NUP93: variants seen among roughly 807,000 people sequenced by gnomAD.
NUP93 encodes nuclear pore complex protein Nup93.
Under a neutral mutation model 107.8 loss-of-function variants are expected in NUP93, and 55 were observed. The ratio of observed to expected loss-of-function variants is 0.51; its 90% CI spans 0.41 to 0.64. The LOEUF (loss-of-function observed/expected upper bound fraction) is 0.64. Among genes scored for constraint, NUP93 ranks in the 30% least tolerant of loss-of-function variants. The probability of loss-of-function intolerance (pLI) is 0.00; values close to 1 mark genes in which losing one functional copy is unlikely to be tolerated. For missense variants in NUP93, 937 were observed against 1,044.7 expected (o/e 0.90, Z 1.42); for synonymous variants, 390 against 397.5 (o/e 0.98, Z 0.22).
At chr16:56,842,697 T>A (rs533234168) in intron 21 of NUP93, 20 of 428,932 alleles carry the variant, frequency 4.7e-5, no homozygotes, top group African/African-American at 3.9e-4. Flanking sequence ...GGACTACAGG[T>A]ACGCACCACC....
intron 20 of NUP93, chr16:56,839,930 G>A (rs1751159175): frequency 3.4e-6 from 1 of 291,392 alleles, no homozygotes. Context: ...GTATTTTAGT[G>A]CTTAACTCTG....
At position 56,834,353 on chromosome 16, in the gene NUP93, G is replaced by T. The variant is rs1963866518; in HGVS notation, c.1665-17G>T. 1 of 1,613,984 alleles carries T rather than the reference G, an allele frequency of 6.2e-7. No individual in the cohort carries two copies. Among genetic ancestry groups the T allele is most frequent in the African/African-American group, 1.3e-5 (1 of 74,918 alleles). On this transcript the variant is annotated splice_polypyrimidine_tract_variant and intron_variant, in intron 14 of 21. Transcript: ENST00000308159. ...TCATGTCCAGACTGGAAACTGAGTT[G>T]TTTATTTCCCTTACAGGGATGAGAA... is the stretch of plus-strand genomic sequence containing the variant.
At chr16:56,765,139 C>G (rs1448067608) in intron 3 of NUP93, among the ~76,000 whole-genome samples, 2 of 152,124 alleles carry the variant, frequency 1.3e-5, no homozygotes, top group African/African-American at 2.4e-5. Context: ...TGATCTAGCC[C>G]AAATTGGATG....
rs1188027635 is a variant in NUP93 at position 56,827,044 on chromosome 16, C to CAAAAAAAAAAAAAAAAAAAAA, written c.795-1928_795-1908dup. On this transcript the variant is annotated intron_variant, in intron 8 of 21. Coordinates refer to ENST00000308159, the MANE Select transcript of NUP93 (RefSeq NM_014669.5). ...CTGGGGATGGAATGAGACTCCGTCT[C>CAAAAAAAAAAAAAAAAAAAAA]AAAAAAAAAAAAAAAAAAAAAAAAA... 2.2e-4 allele frequency among the ~76,000 whole-genome samples: 12 copies of CAAAAAAAAAAAAAAAAAAAAA among 53,612 alleles called. 1 individual carries two copies. The highest frequency in any genetic ancestry group is 8.9e-4 in the Admixed American group (4 of 4,488). 35.2% of individuals were successfully genotyped at this position (53,612 alleles called of 152,430 possible).
rs1431582351 is a variant in NUP93 at position 56,847,917 on chromosome 16, G to C, written c.*3308G>C. 1 of 152,182 alleles carries C rather than the reference G, an allele frequency of 6.6e-6. No homozygotes were observed. Among genetic ancestry groups the C allele is most frequent in the Non-Finnish European group, 1.5e-5 (1 of 68,030 alleles). The allele number at this position is 152,182 out of a possible 1,614,324, so 9.4% of individuals were successfully genotyped here. On this transcript the variant is annotated 3_prime_UTR_variant, in exon 22 of 22. Coordinates refer to ENST00000308159, the MANE Select transcript of NUP93 (RefSeq NM_014669.5). ...AAATCCTAGAACAGGCAGCTTTAAA[G>C]CAAAGAACTACAGACTTTTCCGCAG...
At chr16:56,841,965 G>A (rs1368051826) in intron 21 of NUP93, 132 bp downstream of exon 21, 35 of 1,046,446 alleles carry the variant, frequency 3.3e-5, no homozygotes, top group East Asian at 8.0e-5. Context: ...GATAAATCTC[G>A]TGTTAGGAGG....
intron 5 of NUP93, 112 bp downstream of exon 5, chr16:56,805,744 C>CGTTT: frequency 8.6e-7 from 1 of 1,157,894 alleles, no homozygotes; most frequent in Non-Finnish European, 1.2e-6. Flanking sequence ...CCCCTTGAAA[C>CGTTT]ACTTTCTTCA....
chr16:56,742,299 T>G (rs1166394319), intron 1 of NUP93, among the ~76,000 whole-genome samples: 2 of 152,236 alleles, frequency 1.3e-5, no homozygotes, highest in African/African-American at 4.8e-5. Context: ...GGTAGCTTAC[T>G]TATCAAGTCT....
At chr16:56,744,084 T>A (rs1450378697) in intron 1 of NUP93, among the ~76,000 whole-genome samples, 1 of 152,188 alleles carries the variant, frequency 6.6e-6, no homozygotes, top group African/African-American at 2.4e-5. Flanking sequence ...CTGCATTGAC[T>A]GCTCCGGGTC....
In NUP93 at chr16:56,756,300, C is replaced by G. The variant is rs529037933; in HGVS notation, c.180-2238C>G. 3.4e-3 allele frequency among the ~76,000 whole-genome samples: 247 copies of G among 72,096 alleles called. 6 individuals are homozygous for G. The highest frequency in any genetic ancestry group is 6.6e-3 in the Non-Finnish European group (209 of 31,530). The allele number at this position is 72,096 out of a possible 152,430, so 47.3% of individuals were successfully genotyped here. On this transcript the variant is annotated intron_variant, in intron 2 of 21. Transcript: ENST00000308159. ...CTAATGCTCTCTCTCTCCTTGCCCCCCCCCCCCCCGACAGGCTCCTATGTG... is the reference window on the plus strand; with the variant it reads ...CTAATGCTCTCTCTCTCCTTGCCCCGCCCCCCCCCGACAGGCTCCTATGTG...
intron 4 of NUP93, among the ~76,000 whole-genome samples, chr16:56,803,952 A>G (rs1312449703): frequency 1.3e-5 from 2 of 152,014 alleles, no homozygotes; most frequent in African/African-American, 4.8e-5. Flanking sequence ...GGGTTTTGCC[A>G]TGTTGACCAG....
chr16:56,730,643 C>T (rs1304581514), intron 1 of NUP93, among the ~76,000 whole-genome samples: 1 of 152,180 alleles, frequency 6.6e-6, no homozygotes, highest in Non-Finnish European at 1.5e-5. Flanking sequence ...GGAGGCGTTG[C>T]TCTGCGAGGG....
At chr16:56,832,247 C>CT (rs1567410236) in intron 11 of NUP93, 48 bp from the exon 12 acceptor site, 15 of 1,488,870 alleles carry the variant, frequency 1.0e-5, no homozygotes, top group Non-Finnish European at 1.4e-5. Context: ...GTGCATGTGG[C>CT]TCAGGGTGTC....
chr16:56,801,598 A>G (rs2144564114), intron 4 of NUP93, among the ~76,000 whole-genome samples: 1 of 152,268 alleles, frequency 6.6e-6, no homozygotes, highest in South Asian at 2.1e-4. Context: ...TTTTTAGTAG[A>G]GATGGGGTTT....
At chr16:56,741,376 C>A (rs1238031983) in intron 1 of NUP93, among the ~76,000 whole-genome samples, 1 of 152,136 alleles carries the variant, frequency 6.6e-6, no homozygotes, top group Non-Finnish European at 1.5e-5. Flanking sequence ...GTAGGAATTA[C>A]CATTTTTGAT....
intron 3 of NUP93, among the ~76,000 whole-genome samples, chr16:56,772,448 A>G (rs978818050): frequency 6.6e-6 from 1 of 152,168 alleles, no homozygotes; most frequent in Non-Finnish European, 1.5e-5. Context: ...TAAATGCCAT[A>G]TTATTCTTTT....
intron 6 of NUP93, among the ~76,000 whole-genome samples, chr16:56,821,223 G>A (rs1963534851): frequency 6.6e-6 from 1 of 152,172 alleles, no homozygotes; most frequent in South Asian, 2.1e-4. Context: ...TCCCCTGGGT[G>A]CTTCCTCACT....
chr16:56,822,204 T>C (rs1442982813), intron 7 of NUP93, among the ~76,000 whole-genome samples: 3 of 151,846 alleles, frequency 2.0e-5, no homozygotes, highest in Non-Finnish European at 4.4e-5. Context: ...ATACACAGAT[T>C]TTTTTTGTCT....
At chr16:56,772,904 G>A (rs1324303530) in intron 3 of NUP93, among the ~76,000 whole-genome samples, 1 of 152,196 alleles carries the variant, frequency 6.6e-6, no homozygotes, top group East Asian at 1.9e-4. Flanking sequence ...TATGTATTTG[G>A]TCTTGGACCC....
Sources: allele counts gnomAD v4.1 joint callset (sites outside exome capture counted in the v4.1 genomes callset), GRCh38; gene constraint gnomAD v4.1.1; transcripts MANE v1.5; gene names NCBI Gene and HGNC (gene_info 2026-07-23, HGNC 2026-07-21).